MYO1F: variants seen among roughly 807,000 people sequenced by gnomAD.
MYO1F encodes unconventional myosin-If.
In MYO1F, 60 loss-of-function variants were observed where a neutral mutation model predicts 146.6. The ratio of observed to expected loss-of-function variants is 0.41; its 90% confidence interval spans 0.33 to 0.51. The LOEUF (loss-of-function observed/expected upper bound fraction) is 0.51, where lower values mean the gene tolerates loss of function less well. MYO1F is among the 20% of genes least tolerant of loss of function. MYO1F has a pLI of 0.25. For synonymous variants in MYO1F, 602 were observed against 602.1 expected, an observed-to-expected ratio of 1.00 and a Z score of 0.00; for missense variants, 1,274 against 1,534.3, an observed-to-expected ratio of 0.83 and a Z score of 2.83.
chr19:8,571,731 G>A (rs527292701), intron 1 of MYO1F, among the ~76,000 whole-genome samples: 47 of 152,242 alleles, frequency 3.1e-4, no homozygotes, highest in African/African-American at 1.1e-3. Context: ...CCAAGTAGCT[G>A]GGACTACAGG....
chr19:8,561,374 C>CTCCCT, intron 1 of MYO1F, among the ~76,000 whole-genome samples: 1 of 119,788 alleles, frequency 8.3e-6, no homozygotes, highest in Middle Eastern at 4.6e-3. Context: ...CCCTCCCTCC[C>CTCCCT]TCCCTTCCCC....
At position 8,550,616 on chromosome 19, in the gene MYO1F, C is replaced by T. The variant is rs1973563649; in HGVS notation, c.850G>A (p.Gly284Arg). 1.2e-6 allele frequency: 2 copies of T among 1,614,028 alleles called. No individual in the cohort carries two copies. Among genetic ancestry groups the T allele is most frequent in the Non-Finnish European group, 1.7e-6 (2 of 1,180,046 alleles). The change falls in exon 9 of 28, where the codon GGG (glycine) becomes AGG (arginine). Residue 284 changes from glycine to arginine, a missense_variant. By Grantham distance (125) the Gly-to-Arg change is moderately radical. This residue lies in a region of MYO1F where 900 missense variants were observed against 1,155.1 expected (regional missense o/e 0.78). Coordinates refer to ENST00000644032, the MANE Select transcript of MYO1F (RefSeq NM_012335.4). ...LQLVAGILHLGNISFCEDGNY... is the reference protein window; with the variant it reads ...LQLVAGILHLRNISFCEDGNY... ...CCGTCTTCACAGAAACTGATGTTCC[C>T]CAGGTGCAAGATCCCCGCCACGAGC...
At chr19:8,537,681 A>G (rs7249449) in intron 16 of MYO1F, among the ~76,000 whole-genome samples, 7,330 of 151,736 alleles carry the variant, frequency 0.048, 466 homozygotes, top group African/African-American at 0.14. Context: ...TGATCCATCC[A>G]CCTCTGGCTC....
At chr19:8,527,770 G>A (rs1007350761) in intron 21 of MYO1F, among the ~76,000 whole-genome samples, 1 of 152,182 alleles carries the variant, frequency 6.6e-6, no homozygotes, top group African/African-American at 2.4e-5. Context: ...GCACCACCAT[G>A]CCCAGCTAAT....
Position 8,530,429 on chromosome 19 carries a change from AC to A in MYO1F, c.2158+29del. ...AGCTCCTCCAGGTCCTTGTGCCCCC[AC>A]CCCGCGCCGTTTACCCGAAGCCTCT... On this transcript the variant is annotated intron_variant, in intron 20 of 27. Transcript: ENST00000644032. The surrounding 1 kb of genome is among the most constrained non-coding windows in gnomAD (Gnocchi z 5.8). The A allele has an allele frequency of 6.2e-7, 1 of 1,613,140 alleles. No homozygotes were observed. The highest frequency in any genetic ancestry group is 8.5e-7 in the Non-Finnish European group (1 of 1,179,874).
chr19:8,553,917 CTCTCTCGCTCTCTT>C (rs1973730820), intron 4 of MYO1F, among the ~76,000 whole-genome samples: 1 of 150,722 alleles, frequency 6.6e-6, no homozygotes, highest in Admixed American at 6.6e-5. Flanking sequence ...CTCTCTCTCT[CTCTCTCGCTCTCTT>C]TCTCTCTCTC....
At chr19:8,574,129 A>G (rs1033078915) in intron 1 of MYO1F, among the ~76,000 whole-genome samples, 11 of 152,132 alleles carry the variant, frequency 7.2e-5, no homozygotes, top group African/African-American at 2.7e-4. Context: ...TTTCCAGCTG[A>G]AAACAATCCA....
Position 8,550,592 on chromosome 19 carries a change from C to A in MYO1F, c.874G>T (p.Gly292Trp). 1 of 1,614,176 alleles carries A rather than the reference C, an allele frequency of 6.2e-7. No homozygotes were observed. Among genetic ancestry groups the A allele is most frequent in the Non-Finnish European group, 8.5e-7 (1 of 1,180,038 alleles). The change falls in exon 9 of 28, where the codon GGG (glycine) becomes TGG (tryptophan). Residue 292 changes from glycine to tryptophan, a missense_variant. Gly to Trp is a radical substitution (Grantham distance 184, BLOSUM62 -2). Around this residue, in one of 2 missense-constraint regions of MYO1F, gnomAD observed 900 missense variants for 1,155.1 expected, o/e 0.78. Transcript: ENST00000644032. The stretch of plus-strand genomic sequence containing the variant: ...ACACTCTCCACTCGGGCGTAATTCC[C>A]GTCTTCACAGAAACTGATGTTCCCC... ...HLGNISFCED[G>W]NYARVESVDL...
At chr19:8,575,144 T>C (rs1310349967) in intron 1 of MYO1F, among the ~76,000 whole-genome samples, 2 of 151,132 alleles carry the variant, frequency 1.3e-5, no homozygotes, top group East Asian at 1.9e-4. Context: ...TGGTGTGATC[T>C]TGGCTCACTG....
At chr19:8,568,432 A>AACAAAAC (rs984991850) in intron 1 of MYO1F, among the ~76,000 whole-genome samples, 8 of 148,066 alleles carry the variant, frequency 5.4e-5, no homozygotes, top group African/African-American at 2.0e-4. Context: ...CAAAAAAAAA[A>AACAAAAC]AAAAAAAAAA....
rs1973761851 is a variant in MYO1F at position 8,554,537 on chromosome 19, A to G, written c.266T>C (p.Leu89Pro). 6.2e-7 allele frequency: 1 copy of G among 1,613,586 alleles called. No homozygotes were observed. Among genetic ancestry groups the G allele is most frequent in the Non-Finnish European group, 8.5e-7 (1 of 1,179,718 alleles). Residue 89 changes from leucine to proline, a missense_variant, in exon 4 of 28, where the codon CTC (leucine) becomes CCC (proline). Around this residue, in one of 2 missense-constraint regions of MYO1F, gnomAD observed 900 missense variants for 1,155.1 expected, o/e 0.78. Transcript: ENST00000644032. Reference protein sequence around the residue: ...QYENPPHIYALTDNMYRNMLI... With the variant: ...QYENPPHIYAPTDNMYRNMLI... ...CATGTTCCGGTACATGTTGTCCGTG[A>G]GGGCGTAGATGTGCGGGGGATTCTC...
At position 8,529,402 on chromosome 19, in the gene MYO1F, C is replaced by T. The variant is rs573896995; in HGVS notation, c.2328+794G>A. Among the ~76,000 whole-genome samples, 28 of 152,046 alleles carry T rather than the reference C, an allele frequency of 1.8e-4. 1 individual carries two copies. Among genetic ancestry groups the T allele is most frequent in the East Asian group, 9.7e-4 (5 of 5,168 alleles). On this transcript the variant is annotated intron_variant, in intron 21 of 27. Coordinates refer to ENST00000644032, the MANE Select transcript of MYO1F (RefSeq NM_012335.4). ...GTCCAGGCTAGGTGATTAGAGTACACGTAGGTTCAGGGCTGTCTGGGGCAG... is the reference window on the plus strand; with the variant it reads ...GTCCAGGCTAGGTGATTAGAGTACATGTAGGTTCAGGGCTGTCTGGGGCAG...
At chr19:8,536,907 G>A in intron 17 of MYO1F, 42 bp downstream of exon 17, 1 of 1,301,664 alleles carries the variant, frequency 7.7e-7, no homozygotes, top group Non-Finnish European at 1.1e-6. Flanking sequence ...GTAACTGCAG[G>A]GCCTGGGGGG....
At chr19:8,552,386 G>A (rs1416528330) in intron 6 of MYO1F, among the ~76,000 whole-genome samples, 1 of 152,016 alleles carries the variant, frequency 6.6e-6, no homozygotes, top group Non-Finnish European at 1.5e-5. Flanking sequence ...AGCCTCCTGA[G>A]TAGCTGGGAC....
At chr19:8,543,654 C>CTGGTGGTGCTGG in intron 14 of MYO1F, among the ~76,000 whole-genome samples, 1 of 87,534 alleles carries the variant, frequency 1.1e-5, no homozygotes, top group Non-Finnish European at 2.3e-5. Context: ...GGTGGTGGTG[C>CTGGTGGTGCTGG]TGGTGGTGGT....
rs781530064 is a variant in MYO1F, at chr19:8,522,479, G to A, written c.3118C>T (p.Arg1040Trp). ...PGVGRPKPQP[R>W]THGPRCRALY... Reference sequence around the variant, plus strand: ...GCCCGGCACCTGGGACCATGTGTCCGAGGCTGGGGCTTGGGTCGGCCCACA... The same window carrying A: ...GCCCGGCACCTGGGACCATGTGTCCAAGGCTGGGGCTTGGGTCGGCCCACA... Residue 1040 changes from arginine to tryptophan, a missense_variant, in exon 27 of 28, where the codon CGG (arginine) becomes TGG (tryptophan). Arg to Trp is a moderately radical substitution (Grantham distance 101, BLOSUM62 -3). Around this residue, in one of 2 missense-constraint regions of MYO1F, gnomAD observed 374 missense variants for 379.2 expected, o/e 0.99. Transcript: ENST00000644032. 6.2e-6 allele frequency: 10 copies of A among 1,613,876 alleles called. No homozygotes were observed. In the East Asian group the frequency reaches 8.9e-5, roughly 14 times the overall value.
Position 8,551,766 on chromosome 19 carries a change from C to A in MYO1F, c.745G>T (p.Asp249Tyr), listed in dbSNP as rs992168732. ...AGAGTCTCACCAAAGTCGCTTCTGT[C>A]GTCCGTGCCGTCCACCTGGTAGGTG... Reference protein sequence around the residue: ...SDTYQVDGTDDRSDFGETLSA... With the variant: ...SDTYQVDGTDYRSDFGETLSA... The change falls in exon 8 of 28, where the codon GAC becomes TAC. Residue 249 changes from aspartate to tyrosine, a missense_variant. By Grantham distance (160) the Asp-to-Tyr change is radical (BLOSUM62 -3). Coordinates refer to ENST00000644032, the MANE Select transcript of MYO1F (RefSeq NM_012335.4). 6.2e-7 allele frequency: 1 copy of A among 1,614,124 alleles called. No homozygotes were observed. The highest frequency in any genetic ancestry group is 1.7e-5 in the Admixed American group (1 of 60,004).
Position 8,527,037 on chromosome 19 carries a change from CT to C in MYO1F, c.2475-103del, listed in dbSNP as rs140776818. The C allele has an allele frequency of 5.5e-3, 8,128 of 1,482,812 alleles. 35 individuals carry two copies. The highest frequency in any genetic ancestry group is 6.7e-3 in the Non-Finnish European group (7,268 of 1,080,262). The allele number at this position is 1,482,812 out of a possible 1,614,324, so 91.9% of individuals were successfully genotyped here. On this transcript the variant is annotated intron_variant, in intron 22 of 27. Coordinates refer to ENST00000644032, the MANE Select transcript of MYO1F (RefSeq NM_012335.4). ...GAAGGTGGATTTAGGGAAGGGTCAG[CT>C]AAGGGCCAAGTCAGCGGTGACCAGG...
intron 1 of MYO1F, among the ~76,000 whole-genome samples, chr19:8,560,717 A>G (rs1038100629): frequency 6.8e-5 from 10 of 147,494 alleles, no homozygotes; most frequent in African/African-American, 1.8e-4. Context: ...CTGAGACTAC[A>G]GGCACATGCC....
Sources: gnomAD v4.1 joint callset for allele counts (sites outside exome capture counted in the v4.1 genomes callset) on GRCh38, gnomAD v4.1.1 for gene constraint, gnomAD v4.1.1 regional missense constraint, Gnocchi (gnomAD v3.1) non-coding constraint, MANE v1.5 for transcripts, NCBI Gene and HGNC (gene_info 2026-07-23, HGNC 2026-07-21) for gene names.